Variants in EIF4ENIF1 observed in about 807,000 individuals in gnomAD.
The protein encoded by EIF4ENIF1 is eukaryotic translation initiation factor 4E nuclear import factor 1.
In EIF4ENIF1, 23 loss-of-function variants were observed where a neutral mutation model predicts 110.5. The ratio of observed to expected loss-of-function variants is 0.21; its 90% CI spans 0.15 to 0.29. The LOEUF (loss-of-function observed/expected upper bound fraction) is 0.29. Among genes scored for constraint, EIF4ENIF1 ranks in the 10% least tolerant of loss-of-function variants. The pLI is 1.00. For synonymous variants in EIF4ENIF1, 440 were observed against 437.0 expected (o/e 1.01, Z -0.09); for missense variants, 1,031 against 1,221.1 (o/e 0.84, Z 2.32).
rs60986284 is a variant in EIF4ENIF1, at chr22:31,483,209, C to CTT, written c.96+5412_96+5413dup. On this transcript the variant is annotated intron_variant, in intron 2 of 18. Coordinates refer to ENST00000330125, the MANE Select transcript of EIF4ENIF1 (RefSeq NM_019843.4). ...ATGAGCACCACTGCCAGGAGACGAT[C>CTT]TTTTTTTTTTTTTTTTTTTTTTGAG... 7.9e-3 allele frequency among the ~76,000 whole-genome samples: 705 copies of CTT among 89,330 alleles called. 16 individuals carry two copies. Among genetic ancestry groups the CTT allele is most frequent in the African/African-American group, 0.014 (350 of 24,566 alleles). The allele number at this position is 89,330 out of a possible 152,430, so 58.6% of individuals were successfully genotyped here. A position where few individuals can be genotyped will look rare whatever the true frequency, so the allele number is the denominator to read the frequency against.
At chr22:31,483,320 C>T (rs2051898325) in intron 2 of EIF4ENIF1, among the ~76,000 whole-genome samples, 1 of 149,814 alleles carries the variant, frequency 6.7e-6, no homozygotes, top group African/African-American at 2.5e-5. Flanking sequence ...TCACCTCAGT[C>T]CCCTGTGTAG....
chr22:31,479,313 G>C (rs1380850688), intron 2 of EIF4ENIF1: 1 of 151,862 alleles, frequency 6.6e-6, no homozygotes, highest in Non-Finnish European at 1.5e-5. Context: ...CGTTTGCCTC[G>C]GCCTCCCAAA....
intron 4 of EIF4ENIF1, 39 bp downstream of exon 4, chr22:31,468,136 A>G (rs766516696): frequency 5.0e-6 from 8 of 1,596,502 alleles, no homozygotes; most frequent in Non-Finnish European, 6.8e-6. Context: ...GCATGTCCCC[A>G]AAATCACTAA....
intron 10 of EIF4ENIF1, chr22:31,450,894 C>CACACACACAA (rs1261087732): frequency 7.0e-6 from 1 of 142,752 alleles, no homozygotes; most frequent in Admixed American, 6.9e-5. Flanking sequence ...CACACACACA[C>CACACACACAA]AAAAGAGACA....
intron 14 of EIF4ENIF1, among the ~76,000 whole-genome samples, chr22:31,445,965 C>A (rs879874882): frequency 4.2e-4 from 62 of 148,284 alleles, no homozygotes; most frequent in Non-Finnish European, 3.6e-4. Context: ...CCCCCCCCCC[C>A]ATCTACCTCA....
intron 6 of EIF4ENIF1, chr22:31,461,883 T>C (rs1431175734): frequency 6.6e-6 from 1 of 152,222 alleles, no homozygotes; most frequent in Non-Finnish European, 1.5e-5. Context: ...TTAAGTGTCC[T>C]TGAGTTACTT....
At chr22:31,466,314 G>A (rs1211627008) in intron 4 of EIF4ENIF1, among the ~76,000 whole-genome samples, 1 of 152,188 alleles carries the variant, frequency 6.6e-6, no homozygotes, top group Non-Finnish European at 1.5e-5. Flanking sequence ...TTGGGAGGCT[G>A]AGGCGCGACA....
At chr22:31,486,804 G>C (rs2052046536) in intron 2 of EIF4ENIF1, among the ~76,000 whole-genome samples, 2 of 152,122 alleles carry the variant, frequency 1.3e-5, no homozygotes, top group Non-Finnish European at 1.5e-5. Flanking sequence ...GGAACGGCTG[G>C]GCGCAGTGGC....
chr22:31,490,182 C>G (rs1894589857), upstream of EIF4ENIF1, among the ~76,000 whole-genome samples: 1 of 152,258 alleles, frequency 6.6e-6, no homozygotes, highest in South Asian at 2.1e-4. Flanking sequence ...GGACCCGCGA[C>G]TCGCGGCACG....
At chr22:31,465,315 C>T (rs1221955767) in intron 4 of EIF4ENIF1, among the ~76,000 whole-genome samples, 8 of 142,516 alleles carry the variant, frequency 5.6e-5, no homozygotes, top group Middle Eastern at 7.4e-3. Context: ...AAGAGCCAGA[C>T]TCTGTCTCAA....
intron 3 of EIF4ENIF1, among the ~76,000 whole-genome samples, chr22:31,469,992 C>T (rs1008110644): frequency 6.6e-6 from 1 of 151,648 alleles, no homozygotes; most frequent in Non-Finnish European, 1.5e-5. Context: ...GGTGAAACCC[C>T]GTCTCTACTA....
Position 31,449,336 on chromosome 22 carries a change from A to T in EIF4ENIF1, c.1768+12T>A. On this transcript the variant is annotated intron_variant, in intron 12 of 18. Coordinates refer to ENST00000330125, the MANE Select transcript of EIF4ENIF1 (RefSeq NM_019843.4). ...TAAATTCATATTTCTTTTGACAAAT[A>T]AGTATATTTACCAATTGGTGATGGT... is the stretch of plus-strand genomic sequence containing the variant. The T allele has an allele frequency of 6.2e-7, 1 of 1,611,520 alleles. No individual in the cohort carries two copies.
downstream of EIF4ENIF1, among the ~76,000 whole-genome samples, chr22:31,438,798 C>G (rs773921247): frequency 1.9e-4 from 29 of 152,074 alleles, no homozygotes; most frequent in Non-Finnish European, 2.6e-4. Flanking sequence ...TCTCAGCTCA[C>G]TGCAACCTCT....
chr22:31,471,960 A>G (rs2051396027), intron 2 of EIF4ENIF1, 43 bp from the exon 3 acceptor site: 1 of 1,481,656 alleles, frequency 6.7e-7, no homozygotes, highest in Non-Finnish European at 9.3e-7. Flanking sequence ...TACATTTCTT[A>G]GGCCACACAC....
chr22:31,441,550 G>GAAAAAAAAAAAAA (rs771597260), intron 17 of EIF4ENIF1, among the ~76,000 whole-genome samples: 30 of 65,244 alleles, frequency 4.6e-4, no homozygotes, highest in African/African-American at 1.6e-3. Context: ...CTACAAAAAG[G>GAAAAAAAAAAAAA]AAAAAAAAAA....
intron 14 of EIF4ENIF1, among the ~76,000 whole-genome samples, chr22:31,445,107 G>A (rs1474288649): frequency 6.6e-6 from 1 of 152,158 alleles, no homozygotes; most frequent in South Asian, 2.1e-4. Flanking sequence ...GACAGAATAG[G>A]TACAGGAACT....
At chr22:31,450,622 C>T in intron 10 of EIF4ENIF1, 1 of 338,638 alleles carries the variant, frequency 3.0e-6, no homozygotes, top group South Asian at 2.9e-5. Context: ...TTCCCTGTTT[C>T]TAACACTGTG....
intron 14 of EIF4ENIF1, among the ~76,000 whole-genome samples, chr22:31,445,183 T>G (rs927127655): frequency 6.6e-6 from 1 of 152,178 alleles, no homozygotes; most frequent in African/African-American, 2.4e-5. Context: ...TGAGGTGCGC[T>G]AGGGAGGGCC....
At chr22:31,486,404 C>T (rs1284848060) in intron 2 of EIF4ENIF1, among the ~76,000 whole-genome samples, 2 of 147,742 alleles carry the variant, frequency 1.4e-5, no homozygotes, top group East Asian at 2.1e-4. Flanking sequence ...GCAGAGGTTG[C>T]AGTGAGCCGA....
Sources: allele counts gnomAD v4.1 joint callset (sites outside exome capture counted in the v4.1 genomes callset), GRCh38; gene constraint gnomAD v4.1.1; transcripts MANE v1.5; gene names NCBI Gene and HGNC (gene_info 2026-07-23, HGNC 2026-07-21).